Variants in DPP10 observed in about 807,000 individuals in gnomAD.
The protein encoded by DPP10 is inactive dipeptidyl peptidase 10.
A neutral mutation model predicts 120.9 loss-of-function variants in DPP10; 33 were observed. The observed-to-expected ratio is 0.27, with a 90% CI of 0.21 to 0.37. DPP10 has a LOEUF of 0.37. DPP10 is among the 10% of genes least tolerant of loss of function. The pLI, the probability that DPP10 is intolerant of heterozygous loss-of-function variation, is 1.00. For missense variants in DPP10, 816 were observed against 942.8 expected (o/e 0.87, Z 1.76); for synonymous variants, 337 against 326.1 (o/e 1.03, Z -0.36).
intron 5 of DPP10, among the ~76,000 whole-genome samples, chr2:115,626,222 T>C (rs745638737): frequency 7.9e-5 from 12 of 151,856 alleles, no homozygotes; most frequent in Non-Finnish European, 1.3e-4. Flanking sequence ...ATCCTATATA[T>C]TTAAACAAAC....
chr2:114,793,025 TGTGTG>T (rs1339661220), intron 1 of DPP10, among the ~76,000 whole-genome samples: 145 of 151,930 alleles, frequency 9.5e-4, no homozygotes, highest in Admixed American at 1.6e-3. Context: ...TGTGTGTGTG[TGTGTG>T]TTTCTATTAA....
chr2:115,219,473 C>T (rs888713826), intron 1 of DPP10, among the ~76,000 whole-genome samples: 3 of 152,072 alleles, frequency 2.0e-5, no homozygotes, highest in Admixed American at 2.0e-4. Flanking sequence ...TATGTATACA[C>T]CTCCACTCTT....
chr2:115,844,301 G>T lies in DPP10; in HGVS notation c.*1956G>T, dbSNP rs1438935068. 1.3e-5 allele frequency: 2 copies of T among 152,486 alleles called. No individual in the cohort carries two copies. Among genetic ancestry groups the T allele is most frequent in the African/African-American group, 4.8e-5 (2 of 41,416 alleles). 9.4% of individuals were successfully genotyped at this position (152,486 alleles called of 1,614,324 possible). On this transcript the variant is annotated 3_prime_UTR_variant, in exon 26 of 26. Coordinates refer to ENST00000410059, the MANE Select transcript of DPP10 (RefSeq NM_020868.6). ...TGCAAATGATTATGTTGTCTGAAAG[G>T]TGTGGTTTTATTGAATGTCTATTTG... is the stretch of plus-strand genomic sequence containing the variant.
At chr2:114,503,669 G>A (rs1683393424) in intron 1 of DPP10, among the ~76,000 whole-genome samples, 1 of 152,174 alleles carries the variant, frequency 6.6e-6, no homozygotes, top group African/African-American at 2.4e-5. Context: ...AAGGGGGTTG[G>A]ATGCAGGATT....
At position 115,580,867 on chromosome 2, in the gene DPP10, T is replaced by C. The variant is rs1235638844; in HGVS notation, c.441+54895T>C. ...TTCAAGAGGCCAAGATATTTTTCTA[T>C]TGGGTGTATTCCTGTTTAGCAACCC... On this transcript the variant is annotated intron_variant, in intron 5 of 25. Transcript: ENST00000410059. 2.0e-5 allele frequency among the ~76,000 whole-genome samples: 3 copies of C among 152,342 alleles called. No individual in the cohort carries two copies. The East Asian group carries it at 5.8e-4, about 29-fold the overall frequency.
chr2:115,152,476 T>C (rs188644516), intron 1 of DPP10, among the ~76,000 whole-genome samples: 1 of 152,318 alleles, frequency 6.6e-6, no homozygotes, highest in East Asian at 1.9e-4. Flanking sequence ...TAAATTTAGT[T>C]TTTTTGAACT....
chr2:114,733,330 A>T (rs1409319140), intron 1 of DPP10, among the ~76,000 whole-genome samples: 1 of 152,124 alleles, frequency 6.6e-6, no homozygotes, highest in Non-Finnish European at 1.5e-5. Context: ...GCATCAATGG[A>T]TGATTACACC....
chr2:114,993,070 C>A (rs955176911), intron 1 of DPP10, among the ~76,000 whole-genome samples: 8 of 152,154 alleles, frequency 5.3e-5, no homozygotes, highest in Non-Finnish European at 7.4e-5. Flanking sequence ...GTTATTTCTC[C>A]TTCCTTGGAG....
intron 1 of DPP10, among the ~76,000 whole-genome samples, chr2:114,518,310 T>C: frequency 6.6e-6 from 1 of 152,118 alleles, no homozygotes; most frequent in East Asian, 1.9e-4. Flanking sequence ...ACTCCCGGCC[T>C]CAGGTAGTCC....
chr2:115,375,963 A>T (rs1200536274), intron 3 of DPP10, among the ~76,000 whole-genome samples: 1 of 152,188 alleles, frequency 6.6e-6, no homozygotes, highest in East Asian at 1.9e-4. Flanking sequence ...GAACCAAACC[A>T]TGTCACTAGT....
chr2:114,648,423 C>A (rs1696303713), intron 1 of DPP10, among the ~76,000 whole-genome samples: 1 of 152,182 alleles, frequency 6.6e-6, no homozygotes, highest in Non-Finnish European at 1.5e-5. Context: ...TTAAGTCCTG[C>A]TACATGATCT....
intron 1 of DPP10, among the ~76,000 whole-genome samples, chr2:115,019,146 G>A (rs1481949611): frequency 6.6e-6 from 1 of 151,928 alleles, no homozygotes; most frequent in Non-Finnish European, 1.5e-5. Flanking sequence ...AAGGACTGGT[G>A]AGATTTTTAA....
intron 1 of DPP10, among the ~76,000 whole-genome samples, chr2:114,749,357 G>A (rs72830386): frequency 0.012 from 1,896 of 152,144 alleles, 20 homozygotes; most frequent in Middle Eastern, 0.034. Flanking sequence ...GGAGTTCCCA[G>A]CCATGTCTTT....
intron 1 of DPP10, among the ~76,000 whole-genome samples, chr2:115,088,370 C>A (rs9917329): frequency 6.6e-6 from 1 of 152,054 alleles, no homozygotes; most frequent in African/African-American, 2.4e-5. Flanking sequence ...ATGGTATTAT[C>A]TGAGAAAAAC....
chr2:115,065,660 A>T (rs1706773063), intron 1 of DPP10: 1 of 151,852 alleles, frequency 6.6e-6, no homozygotes, highest in Admixed American at 6.6e-5. Context: ...AGTCATTCTT[A>T]CCAGTAGTGC....
chr2:114,997,518 A>AG (rs1701173748), intron 1 of DPP10, among the ~76,000 whole-genome samples: 1 of 151,248 alleles, frequency 6.6e-6, no homozygotes, highest in South Asian at 2.1e-4. Flanking sequence ...AAAAGAAAAA[A>AG]ATTCATACAT....
chr2:115,195,806 C>T (rs559873699), intron 1 of DPP10, among the ~76,000 whole-genome samples: 2 of 152,154 alleles, frequency 1.3e-5, no homozygotes, highest in Non-Finnish European at 2.9e-5. Context: ...GGACACTCTT[C>T]CCTCCACAAA....
intron 13 of DPP10, among the ~76,000 whole-genome samples, chr2:115,770,532 G>C (rs935391183): frequency 6.6e-6 from 1 of 151,472 alleles, no homozygotes; most frequent in Non-Finnish European, 1.5e-5. Flanking sequence ...TGAATATTTT[G>C]GCAATTGATT....
At chr2:115,161,709 C>T in intron 1 of DPP10, 1 of 389,076 alleles carries the variant, frequency 2.6e-6, no homozygotes, top group Non-Finnish European at 4.5e-6. Context: ...GCTCGCTGCG[C>T]TTTGGGTGGC....
Sources: gnomAD v4.1 joint callset for allele counts (sites outside exome capture counted in the v4.1 genomes callset) on GRCh38, gnomAD v4.1.1 for gene constraint, MANE v1.5 for transcripts, NCBI Gene and HGNC (gene_info 2026-07-23, HGNC 2026-07-21) for gene names.